SORCS3: variants seen among roughly 807,000 people sequenced by gnomAD.
SORCS3 encodes sortilin related VPS10 domain containing receptor 3.
In SORCS3, 57 loss-of-function variants were observed where a neutral mutation model predicts 146.3. That is an observed-to-expected ratio of 0.39 (90% CI 0.31 to 0.49). The LOEUF (loss-of-function observed/expected upper bound fraction) is 0.49. SORCS3 is among the 20% of genes least tolerant of loss of function. SORCS3 has a pLI of 0.92. For missense variants in SORCS3, 1,341 were observed against 1,575.5 expected, an observed-to-expected ratio of 0.85 and a Z score of 2.52; for synonymous variants, 653 against 618.5, an observed-to-expected ratio of 1.06 and a Z score of -0.83.
intron 4 of SORCS3, among the ~76,000 whole-genome samples, chr10:105,014,575 A>C (rs902897215): frequency 3.9e-5 from 6 of 152,214 alleles, no homozygotes; most frequent in Non-Finnish European, 7.4e-5. Context: ...AAATATTATA[A>C]GTTTATAAGC....
At chr10:104,907,043 T>TA (rs1305245523) in intron 2 of SORCS3, among the ~76,000 whole-genome samples, 2 of 152,160 alleles carry the variant, frequency 1.3e-5, no homozygotes, top group African/African-American at 2.4e-5. Context: ...TGTGTGTGTG[T>TA]AATATATTTA....
chr10:104,924,380 A>G (rs1255675120), intron 3 of SORCS3, among the ~76,000 whole-genome samples: 2 of 152,188 alleles, frequency 1.3e-5, no homozygotes, highest in Admixed American at 1.3e-4. Flanking sequence ...GGTGAGCACA[A>G]ATATGAAGTG....
At chr10:104,724,164 A>T (rs897181089) in intron 1 of SORCS3, among the ~76,000 whole-genome samples, 18 of 152,306 alleles carry the variant, frequency 1.2e-4, no homozygotes, top group African/African-American at 3.6e-4. Flanking sequence ...CTTTTAGGGC[A>T]GTCCTGGTGG....
chr10:105,001,322 G>A (rs1287195426), intron 4 of SORCS3, among the ~76,000 whole-genome samples: 1 of 152,168 alleles, frequency 6.6e-6, no homozygotes, highest in Non-Finnish European at 1.5e-5. Flanking sequence ...TTCACGGAAG[G>A]AGAATCGTGT....
Position 105,242,840 on chromosome 10 carries a change from A to T in SORCS3, c.2869-2702A>T, listed in dbSNP as rs868669792. Among the ~76,000 whole-genome samples the T allele has an allele frequency of 7.6e-4, 75 of 98,172 alleles. No homozygotes were observed. The South Asian group carries it at 0.017, about 22-fold the overall frequency. The allele number at this position is 98,172 out of a possible 152,430, so 64.4% of individuals were successfully genotyped here. On this transcript the variant is annotated intron_variant, in intron 20 of 26. Coordinates refer to ENST00000369701, the MANE Select transcript of SORCS3 (RefSeq NM_014978.3). Reference sequence around the variant, plus strand: ...ATTTTTATATATAAATTATATATATATTTTTATATATAAATTATATATATA... The same window carrying T: ...ATTTTTATATATAAATTATATATATTTTTTTATATATAAATTATATATATA...
rs115454630 is a variant in SORCS3 at position 104,881,790 on chromosome 10, C to T, written c.696-34043C>T. 5.5e-3 allele frequency among the ~76,000 whole-genome samples: 842 copies of T among 152,238 alleles called. 14 individuals are homozygous for T. Among genetic ancestry groups the T allele is most frequent in the African/African-American group, 0.019 (781 of 41,550 alleles). On this transcript the variant is annotated intron_variant, in intron 2 of 26. Transcript: ENST00000369701. Reference sequence around the variant, plus strand: ...TGAAATGAGGTGTAACATCAGACTGCGATGCTAGCACCAGCTCCATCCCTA... The same window carrying T: ...TGAAATGAGGTGTAACATCAGACTGTGATGCTAGCACCAGCTCCATCCCTA...
Position 105,224,716 on chromosome 10 carries a change from A to C in SORCS3, c.2868+1467A>C, listed in dbSNP as rs1040440807. Among the ~76,000 whole-genome samples, 18 of 152,134 alleles carry C rather than the reference A, an allele frequency of 1.2e-4. 1 individual carries two copies. The highest frequency in any genetic ancestry group is 2.9e-5 in the Non-Finnish European group (2 of 68,000). The stretch of plus-strand genomic sequence containing the variant: ...TGGATTTCCACCACCAATGAATGAG[A>C]GTTCTTGTTGCTCCACATACTCACT... On this transcript the variant is annotated intron_variant, in intron 20 of 26. Transcript: ENST00000369701.
intron 1 of SORCS3, among the ~76,000 whole-genome samples, chr10:104,722,695 G>T (rs1335488011): frequency 1.3e-5 from 2 of 152,104 alleles, no homozygotes; most frequent in East Asian, 3.9e-4. Flanking sequence ...CTTCTTCCTG[G>T]TTTAGTCTTG....
At chr10:104,749,002 G>T (rs1038475603) in intron 1 of SORCS3, among the ~76,000 whole-genome samples, 2 of 152,154 alleles carry the variant, frequency 1.3e-5, no homozygotes, top group Non-Finnish European at 2.9e-5. Flanking sequence ...AGACCAATGG[G>T]CAGAGTCCTG....
intron 1 of SORCS3, among the ~76,000 whole-genome samples, chr10:104,781,367 T>G (rs1244438492): frequency 6.6e-6 from 1 of 152,240 alleles, no homozygotes; most frequent in East Asian, 1.9e-4. Context: ...TGTATTTGTA[T>G]GTGGTATGTG....
intron 20 of SORCS3, among the ~76,000 whole-genome samples, chr10:105,242,570 T>TTA (rs1564793615): frequency 3.1e-3 from 138 of 45,080 alleles, no homozygotes; most frequent in Middle Eastern, 0.029. Flanking sequence ...TTATATATAT[T>TTA]TATATATTTA....
intron 19 of SORCS3, among the ~76,000 whole-genome samples, chr10:105,218,712 T>G (rs2056679755): frequency 6.6e-6 from 1 of 152,170 alleles, no homozygotes. Flanking sequence ...TTTATAAACC[T>G]CCAATTTCTT....
At chr10:104,721,786 A>G (rs964845298) in intron 1 of SORCS3, among the ~76,000 whole-genome samples, 5 of 151,946 alleles carry the variant, frequency 3.3e-5, no homozygotes, top group South Asian at 4.2e-4. Flanking sequence ...TTTGTCTGTT[A>G]TTGGTGTATA....
intron 2 of SORCS3, among the ~76,000 whole-genome samples, chr10:104,887,478 G>A (rs1268101300): frequency 3.3e-5 from 5 of 152,194 alleles, no homozygotes; most frequent in Non-Finnish European, 7.3e-5. Flanking sequence ...AAGAAGAAGG[G>A]ATGTTAGAAG....
chr10:105,256,952 A>G (rs2056935147), intron 25 of SORCS3, 28 bp downstream of exon 25: 22 of 1,507,926 alleles, frequency 1.5e-5, no homozygotes, highest in Non-Finnish European at 1.9e-5. Context: ...TCAATTTAGT[A>G]GTGGGGTTGG....
At chr10:105,082,281 G>A (rs962690202) in intron 5 of SORCS3, among the ~76,000 whole-genome samples, 5 of 152,144 alleles carry the variant, frequency 3.3e-5, no homozygotes, top group Admixed American at 6.5e-5. Flanking sequence ...CTTAGTAGCA[G>A]GGGCTTCTTA....
chr10:104,883,712 G>A (rs1314691594), intron 2 of SORCS3, among the ~76,000 whole-genome samples: 1 of 152,164 alleles, frequency 6.6e-6, no homozygotes, highest in Non-Finnish European at 1.5e-5. Context: ...TGCTCTGAAA[G>A]GAGACAGGGG....
intron 6 of SORCS3, among the ~76,000 whole-genome samples, chr10:105,101,330 C>T (rs2055782989): frequency 6.6e-6 from 1 of 152,158 alleles, no homozygotes; most frequent in Non-Finnish European, 1.5e-5. Flanking sequence ...TGAGTCACTT[C>T]TGTTTGACCG....
chr10:104,965,145 G>A (rs1419118064), intron 3 of SORCS3, among the ~76,000 whole-genome samples: 1 of 152,090 alleles, frequency 6.6e-6, no homozygotes. Flanking sequence ...TCACCTTTTG[G>A]CTATTGTAAA....
Sources: gnomAD v4.1 joint callset for allele counts (sites outside exome capture counted in the v4.1 genomes callset) on GRCh38, gnomAD v4.1.1 for gene constraint, MANE v1.5 for transcripts, NCBI Gene and HGNC (gene_info 2026-07-23, HGNC 2026-07-21) for gene names.